The following RBM23 variants were observed in gnomAD, a reference collection of about 807,000 sequenced individuals.
RBM23 encodes RNA binding motif protein 23.
Under a neutral mutation model 56.2 loss-of-function variants are expected in RBM23, and 53 were observed. That is an observed-to-expected ratio of 0.94 (90% confidence interval 0.76 to 1.19). The LOEUF is 1.19. RBM23 is among the 50% of genes most tolerant of loss of function. The pLI, the probability that RBM23 is intolerant of heterozygous loss-of-function variation, is 0.00. For missense variants in RBM23, 642 were observed against 590.3 expected (o/e 1.09, Z -0.91); for synonymous variants, 197 against 198.5 (o/e 0.99, Z 0.06).
At chr14:22,908,273 G>A (rs2041901776) in intron 4 of RBM23, 60 bp downstream of exon 4, 5 of 1,527,434 alleles carry the variant, frequency 3.3e-6, no homozygotes, top group Non-Finnish European at 4.4e-6. Flanking sequence ...CTCCCGCCTT[G>A]GCTTCCAAAG....
chr14:22,914,966 G>C (rs908093591), intron 1 of RBM23, among the ~76,000 whole-genome samples: 3 of 126,796 alleles, frequency 2.4e-5, no homozygotes, highest in Non-Finnish European at 4.8e-5. Flanking sequence ...CTGGGTGTAA[G>C]ATGGAGTAAG....
chr14:22,907,202 C>T (rs1033894818), intron 4 of RBM23, among the ~76,000 whole-genome samples: 1 of 151,014 alleles, frequency 6.6e-6, no homozygotes, highest in African/African-American at 2.4e-5. Context: ...ATTAGCCAGG[C>T]ATGGTGGCAC....
In RBM23 at chr14:22,908,367, G is replaced by A. The variant is rs976735458; in HGVS notation, c.193C>T (p.Arg65Trp). The A allele has an allele frequency of 1.4e-5, 21 of 1,548,094 alleles. No individual in the cohort carries two copies. Among genetic ancestry groups the A allele is most frequent in the Middle Eastern group, 1.7e-4 (1 of 6,002 alleles). Reference sequence around the variant, plus strand: ...CTATCCCTGCTTTTATTATGGCTCCGACTCCTCTTCTTCCTGTGAAAGAGA... The same window carrying A: ...CTATCCCTGCTTTTATTATGGCTCCAACTCCTCTTCTTCCTGTGAAAGAGA... The part of the protein sequence containing the change: ...IGETSKKKRS[R>W]SHNKSRDRKR... Residue 65 changes from arginine to tryptophan, a missense_variant, in exon 4 of 14, where the codon CGG becomes TGG. Coordinates refer to ENST00000359890, the MANE Select transcript of RBM23 (RefSeq NM_001077351.2).
At chr14:22,903,918 T>C (rs1053156873) in intron 10 of RBM23, 3 of 1,225,160 alleles carry the variant, frequency 2.4e-6, no homozygotes, top group South Asian at 3.3e-5. Flanking sequence ...ATCAATTCTA[T>C]AAAGCATGTC....
chr14:22,906,446 A>T, intron 4 of RBM23, 78 bp from the exon 5 acceptor site: 1 of 1,518,960 alleles, frequency 6.6e-7, no homozygotes. Context: ...CAGTGGTCCC[A>T]TAAGATTATA....
intron 2 of RBM23, among the ~76,000 whole-genome samples, chr14:22,910,787 T>G (rs776068905): frequency 5.1e-4 from 77 of 152,080 alleles, no homozygotes; most frequent in Non-Finnish European, 9.3e-4. Context: ...CCAAGGTGGG[T>G]GGATCATAAG....
In RBM23 at chr14:22,905,178, G is replaced by C. The variant is rs1018656903; in HGVS notation, c.642C>G (p.Phe214Leu). ...CCAGTGGCACAGACTGGATTTCACA[G>C]AATTCCACGTAGGCAATGCCCTTAG... ...RRSKGIAYVE[F>L]CEIQSVPLAI... Residue 214 changes from phenylalanine (F) to leucine (L), a missense_variant, in exon 8 of 14, where the codon TTC (phenylalanine) becomes TTG (leucine). Phe to Leu is a conservative substitution (Grantham distance 22). Transcript: ENST00000359890. 6.2e-7 allele frequency: 1 copy of C among 1,614,182 alleles called. No individual in the cohort carries two copies. The highest frequency in any genetic ancestry group is 2.2e-5 in the East Asian group (1 of 44,880).
At chr14:22,913,413 CA>C (rs57539414) in intron 1 of RBM23, among the ~76,000 whole-genome samples, 70,735 of 115,434 alleles carry the variant, frequency 0.61, 19,746 homozygotes, top group East Asian at 0.79. Flanking sequence ...GGCTCCGTCT[CA>C]AAAAAAAAAA....
intron 4 of RBM23, among the ~76,000 whole-genome samples, chr14:22,906,938 C>G (rs1037677257): frequency 6.6e-6 from 1 of 152,098 alleles, no homozygotes; most frequent in African/African-American, 2.4e-5. Context: ...CTTTGGGAGA[C>G]CAAAATGGGT....
chr14:22,902,321 C>T lies in RBM23; in HGVS notation c.992G>A (p.Gly331Asp), dbSNP rs762710519. The T allele has an allele frequency of 1.2e-6, 2 of 1,614,156 alleles. No homozygotes were observed. ...LEQLNGFELA[G>D]RPMRVGHVTE... ...CACATGGCCAACCCTCATAGGTCGA[C>T]CAGCAAGCTCAAACCCATTCAACTG... is the stretch of plus-strand genomic sequence containing the variant. The change falls in exon 11 of 14, where the codon GGT (glycine) becomes GAT (aspartate). Residue 331 changes from glycine (G) to aspartate (D), a missense_variant. By Grantham distance (94) the Gly-to-Asp change is moderately conservative. Transcript: ENST00000359890.
chr14:22,911,360 C>A lies in RBM23; in HGVS notation c.34G>T (p.Ala12Ser). 6.2e-7 allele frequency: 1 copy of A among 1,613,726 alleles called. No homozygotes were observed. The highest frequency in any genetic ancestry group is 8.5e-7 in the Non-Finnish European group (1 of 1,179,784). ...TTTTTATAGGGAGCTTCCAGCATGGCCTCAATCACTATGTCAAAGTCATCA... is the reference window on the plus strand; with the variant it reads ...TTTTTATAGGGAGCTTCCAGCATGGACTCAATCACTATGTCAAAGTCATCA... ...ASDDFDIVIE[A>S]MLEAPYKKEE... is the part of the protein sequence containing the mutation. Residue 12 changes from alanine to serine, a missense_variant, in exon 2 of 14, where the codon GCC becomes TCC. By Grantham distance (99) the Ala-to-Ser change is moderately conservative. Coordinates refer to ENST00000359890, the MANE Select transcript of RBM23 (RefSeq NM_001077351.2).
chr14:22,909,923 C>T (rs186915332), intron 2 of RBM23, among the ~76,000 whole-genome samples: 2 of 151,948 alleles, frequency 1.3e-5, no homozygotes, highest in East Asian at 3.9e-4. Context: ...AAGGCTGAGG[C>T]AGGCGGATCA....
intron 1 of RBM23, among the ~76,000 whole-genome samples, chr14:22,915,959 C>G (rs2043410336): frequency 6.6e-6 from 1 of 152,214 alleles, no homozygotes; most frequent in Admixed American, 6.5e-5. Flanking sequence ...TGGCTCACGC[C>G]TGCAATCTCA....
At chr14:22,918,240 C>G (rs1246994909) in intron 1 of RBM23, among the ~76,000 whole-genome samples, 1 of 151,754 alleles carries the variant, frequency 6.6e-6, no homozygotes, top group Non-Finnish European at 1.5e-5. Flanking sequence ...ATTAAAAATA[C>G]AAAAATTAGC....
At chr14:22,904,729 CAA>C (rs1735995994) in intron 9 of RBM23, 144 bp downstream of exon 9, 7 of 1,233,586 alleles carry the variant, frequency 5.7e-6, no homozygotes, top group Non-Finnish European at 7.9e-6. Flanking sequence ...GAGATGGAGC[CAA>C]ACTTTCACAG....
Position 22,899,726 on chromosome 14 carries a change from A to G in RBM23, c.*2004T>C, listed in dbSNP as rs574281182. 1 of 152,346 alleles carries G rather than the reference A, an allele frequency of 6.6e-6. No homozygotes were observed. Among genetic ancestry groups the G allele is most frequent in the East Asian group, 1.9e-4 (1 of 5,186 alleles). The allele number at this position is 152,346 out of a possible 1,614,324, so 9.4% of individuals were successfully genotyped here. Reference sequence around the variant, plus strand: ...TCTGTGCTATTGTTACAGAAGCAGCAAACAGACTTAGGAGCTAGAGTCCCA... The same window carrying G: ...TCTGTGCTATTGTTACAGAAGCAGCGAACAGACTTAGGAGCTAGAGTCCCA... On this transcript the variant is annotated 3_prime_UTR_variant, in exon 14 of 14. Coordinates refer to ENST00000359890, the MANE Select transcript of RBM23 (RefSeq NM_001077351.2).
Position 22,904,914 on chromosome 14 carries a change from A to G in RBM23, c.825T>C (p.Thr275=). The change falls in exon 9 of 14, where the codon ACT becomes ACC. Residue 275 remains threonine (T), a synonymous_variant. Transcript: ENST00000359890. ...LYVGSLHFNI[T]EDMLRGIFEP... ...CAAAGATGCCCCGGAGCATGTCTTC[A>G]GTGATATTGAAGTGCAGGGAACCCA... is the stretch of plus-strand genomic sequence containing the variant. 6.8e-6 allele frequency: 11 copies of G among 1,614,148 alleles called. No homozygotes were observed. Among genetic ancestry groups the G allele is most frequent in the Non-Finnish European group, 9.3e-6 (11 of 1,180,022 alleles).
chr14:22,901,722 C>T lies in RBM23; in HGVS notation c.*8G>A, dbSNP rs372411542. 3.1e-6 allele frequency: 5 copies of T among 1,613,050 alleles called. No individual in the cohort carries two copies. In the South Asian group the frequency reaches 4.4e-5, roughly 14 times the overall value. ...AGGCACAAGGAGGCAGTATACTGTG[C>T]CACTGATTTACCTGTGGAAAGAAGA... On this transcript the variant is annotated 3_prime_UTR_variant, in exon 14 of 14. Transcript: ENST00000359890.
chr14:22,915,945 G>C (rs1470480531), intron 1 of RBM23, among the ~76,000 whole-genome samples: 3 of 152,204 alleles, frequency 2.0e-5, no homozygotes, highest in Non-Finnish European at 4.4e-5. Context: ...CCAGGCAGAG[G>C]GGGTGGCTCA....
Sources: allele counts gnomAD v4.1 joint callset (sites outside exome capture counted in the v4.1 genomes callset), GRCh38; gene constraint gnomAD v4.1.1; transcripts MANE v1.5; gene names NCBI Gene and HGNC (gene_info 2026-07-23, HGNC 2026-07-21).